DGKI: variants seen among roughly 807,000 people sequenced by gnomAD.
DGKI encodes the protein DAG kinase iota.
Under a neutral mutation model 147.5 loss-of-function variants are expected in DGKI, and 55 were observed. That is an observed-to-expected ratio of 0.37 (90% CI 0.30 to 0.47). The LOEUF is 0.47. DGKI is among the 20% of genes least tolerant of loss of function. The pLI is 1.00. For missense variants in DGKI, 1,007 were observed against 1,323.8 expected (o/e 0.76, Z 3.71); for synonymous variants, 469 against 477.1 (o/e 0.98, Z 0.22).
intron 20 of DGKI, among the ~76,000 whole-genome samples, chr7:137,550,007 C>A (rs557389683): frequency 8.0e-4 from 121 of 152,116 alleles, no homozygotes; most frequent in Non-Finnish European, 1.5e-3. Context: ...TTTTTGTTAT[C>A]TTTAAGTCTT....
At chr7:137,768,054 G>A (rs556186155) in intron 1 of DGKI, among the ~76,000 whole-genome samples, 84 of 152,248 alleles carry the variant, frequency 5.5e-4, no homozygotes, top group African/African-American at 2.0e-3. Context: ...ATCTGATCAT[G>A]AGTCTAACCA....
rs1366773342 is a variant in DGKI at position 137,770,813 on chromosome 7, G to A, written c.401+75649C>T. Among the ~76,000 whole-genome samples the A allele has an allele frequency of 4.1e-5, 2 of 48,752 alleles. 1 individual carries two copies. The highest frequency in any genetic ancestry group is 6.9e-5 in the Non-Finnish European group (2 of 29,078). 32.0% of individuals were successfully genotyped at this position (48,752 alleles called of 152,430 possible). Reference sequence around the variant, plus strand: ...CTCCCAAAGTGCTGGGATTACAGGCGTGAGCCACCGCGCCCGGCCCTCAGT... The same window carrying A: ...CTCCCAAAGTGCTGGGATTACAGGCATGAGCCACCGCGCCCGGCCCTCAGT... On this transcript the variant is annotated intron_variant, in intron 1 of 32. Transcript: ENST00000614521.
chr7:137,590,519 T>G (rs1352037942), intron 12 of DGKI, among the ~76,000 whole-genome samples: 1 of 152,150 alleles, frequency 6.6e-6, no homozygotes, highest in Non-Finnish European at 1.5e-5. Flanking sequence ...ATAAAACAAC[T>G]TCCTGTGAAG....
At position 137,846,183 on chromosome 7, in the gene DGKI, A is replaced by T. The variant is rs1798722102; in HGVS notation, c.401+279T>A. On this transcript the variant is annotated intron_variant, in intron 1 of 32. Transcript: ENST00000614521. The surrounding 1 kb of genome is among the most constrained non-coding windows in gnomAD (Gnocchi z 4.0). The stretch of plus-strand genomic sequence containing the variant: ...CTCTCACACACACACACACACACAC[A>T]CACACACACACACACACACAGACAA... Among the ~76,000 whole-genome samples, 1 of 148,270 alleles carries T rather than the reference A, an allele frequency of 6.7e-6. No homozygotes were observed. The highest frequency in any genetic ancestry group is 1.5e-5 in the Non-Finnish European group (1 of 67,744).
intron 28 of DGKI, among the ~76,000 whole-genome samples, chr7:137,443,757 C>A (rs981779954): frequency 6.6e-6 from 1 of 152,110 alleles, no homozygotes. Flanking sequence ...GGATAAAAAT[C>A]TGAGTCATAA....
intron 19 of DGKI, among the ~76,000 whole-genome samples, chr7:137,560,545 C>A (rs1184569993): frequency 6.6e-6 from 1 of 151,666 alleles, no homozygotes; most frequent in Non-Finnish European, 1.5e-5. Context: ...TGCCCATGTT[C>A]TAACTCCCAG....
chr7:137,556,668 G>A (rs964952302), intron 19 of DGKI, among the ~76,000 whole-genome samples: 4 of 152,144 alleles, frequency 2.6e-5, no homozygotes, highest in African/African-American at 9.7e-5. Flanking sequence ...AGATGTAAGG[G>A]AAGACTTAAG....
intron 1 of DGKI, among the ~76,000 whole-genome samples, chr7:137,760,718 A>C (rs927736016): frequency 1.3e-5 from 2 of 152,212 alleles, no homozygotes; most frequent in Admixed American, 1.3e-4. Flanking sequence ...GCTGATGGCT[A>C]AAGTTATTAG....
intron 3 of DGKI, among the ~76,000 whole-genome samples, chr7:137,665,707 T>C (rs1188052435): frequency 1.3e-5 from 2 of 152,116 alleles, no homozygotes; most frequent in Non-Finnish European, 2.9e-5. Flanking sequence ...CCGAGAGACC[T>C]ACAGGGAGAA....
At chr7:137,631,206 T>A (rs554542032) in intron 6 of DGKI, among the ~76,000 whole-genome samples, 1 of 152,226 alleles carries the variant, frequency 6.6e-6, no homozygotes, top group African/African-American at 2.4e-5. Flanking sequence ...TTCCTTTTTG[T>A]GTAAACATAG....
chr7:137,463,294 G>A (rs367693863), intron 27 of DGKI, among the ~76,000 whole-genome samples, 195 bp downstream of exon 27: 2 of 152,170 alleles, frequency 1.3e-5, no homozygotes, highest in African/African-American at 4.8e-5. Flanking sequence ...GAAATGGAAG[G>A]TGGAGTTCCA....
rs551938153 is a variant in DGKI at position 137,733,064 on chromosome 7, AT to A, written c.402-43063del. On this transcript the variant is annotated intron_variant, in intron 1 of 32. Coordinates refer to ENST00000614521, the MANE Select transcript of DGKI (RefSeq NM_001321708.2). ...AATTACTACGTCCACAACCTTTGAA[AT>A]TTTTTTTTTTTGGTAAAATACATAT... Among the ~76,000 whole-genome samples the A allele has an allele frequency of 4.4e-3, 643 of 147,622 alleles. 5 individuals carry two copies. The highest frequency in any genetic ancestry group is 0.027 in the South Asian group (125 of 4,672).
intron 23 of DGKI, among the ~76,000 whole-genome samples, chr7:137,480,083 T>C (rs1815320210): frequency 1.3e-5 from 2 of 152,154 alleles, no homozygotes; most frequent in South Asian, 4.1e-4. Context: ...TATTCTAACA[T>C]TTTCAAGAGT....
chr7:137,603,574 C>T (rs1355724282), intron 10 of DGKI, among the ~76,000 whole-genome samples: 1 of 152,136 alleles, frequency 6.6e-6, no homozygotes, highest in Admixed American at 6.5e-5. Context: ...GAGAGCAATA[C>T]AAAATAAATT....
At chr7:137,524,856 A>C (rs760631622) in intron 20 of DGKI, among the ~76,000 whole-genome samples, 1 of 152,176 alleles carries the variant, frequency 6.6e-6, no homozygotes, top group Admixed American at 6.5e-5. Flanking sequence ...CAGTAGTTGC[A>C]AATGGGAAAT....
At chr7:137,831,247 A>G (rs10230788) in intron 1 of DGKI, among the ~76,000 whole-genome samples, 35,389 of 152,170 alleles carry the variant, frequency 0.23, 9,722 homozygotes, top group African/African-American at 0.67. Flanking sequence ...TAACTTAAAC[A>G]AAAAGGAATT....
At chr7:137,840,945 T>C (rs1798526634) in intron 1 of DGKI, among the ~76,000 whole-genome samples, 1 of 152,276 alleles carries the variant, frequency 6.6e-6, no homozygotes, top group Admixed American at 6.5e-5. Context: ...AAGTTAACTC[T>C]ATGTAGGGCA....
intron 1 of DGKI, among the ~76,000 whole-genome samples, chr7:137,704,347 G>A (rs1203660797): frequency 6.6e-6 from 1 of 152,096 alleles, no homozygotes; most frequent in African/African-American, 2.4e-5. Flanking sequence ...TAGAAATTCT[G>A]AAGTTAAAAA....
chr7:137,597,749 G>T, intron 12 of DGKI, 98 bp downstream of exon 12: 1 of 1,107,642 alleles, frequency 9.0e-7, no homozygotes, highest in Non-Finnish European at 1.4e-6. Context: ...TGTGTTAGGG[G>T]ATTAGAAAGA....
Sources: allele counts gnomAD v4.1 joint callset (sites outside exome capture counted in the v4.1 genomes callset), GRCh38; gene constraint gnomAD v4.1.1; non-coding constraint Gnocchi (gnomAD v3.1); transcripts MANE v1.5; gene names NCBI Gene and HGNC (gene_info 2026-07-23, HGNC 2026-07-21).